The following PHTF2 variants were observed in gnomAD, a reference collection of about 807,000 sequenced individuals.
The protein encoded by PHTF2 is protein PHTF2.
PHTF2 carries 60 observed loss-of-function variants against 101.2 expected under a neutral mutation model. That is an observed-to-expected ratio of 0.59 (90% CI 0.48 to 0.73). The LOEUF (loss-of-function observed/expected upper bound fraction) is 0.73, where lower values mean the gene tolerates loss of function less well. PHTF2 is among the 30% of genes least tolerant of loss of function. The pLI is 0.00. For missense variants in PHTF2, 747 were observed against 908.7 expected (o/e 0.82, Z 2.29); for synonymous variants, 311 against 307.3 (o/e 1.01, Z -0.13).
chr7:77,805,917 G>A (rs1399986431), intron 1 of PHTF2, among the ~76,000 whole-genome samples: 1 of 152,232 alleles, frequency 6.6e-6, no homozygotes, highest in African/African-American at 2.4e-5. Context: ...GCTTACGCCT[G>A]TAATCCCAGC....
At chr7:77,941,676 C>A (rs1805651555) in intron 15 of PHTF2, among the ~76,000 whole-genome samples, 1 of 152,156 alleles carries the variant, frequency 6.6e-6, no homozygotes, top group South Asian at 2.1e-4. Flanking sequence ...CAAAATATAT[C>A]TTGAATCCAT....
intron 2 of PHTF2, among the ~76,000 whole-genome samples, chr7:77,844,088 C>T (rs112217497): frequency 1.6e-3 from 238 of 152,308 alleles, no homozygotes; most frequent in African/African-American, 5.6e-3. Flanking sequence ...GCCTCGACCT[C>T]CTGGGCTCAA....
At chr7:77,882,405 G>A (rs1799493641) in intron 3 of PHTF2, among the ~76,000 whole-genome samples, 1 of 151,824 alleles carries the variant, frequency 6.6e-6, no homozygotes, top group Admixed American at 6.6e-5. Context: ...TACTCAAGTA[G>A]CTTTACTTTT....
intron 12 of PHTF2, among the ~76,000 whole-genome samples, chr7:77,930,003 G>A (rs1230347451): frequency 6.9e-6 from 1 of 145,718 alleles, no homozygotes; most frequent in Non-Finnish European, 1.5e-5. Context: ...ACCCAGGCTG[G>A]AGTACAATGG....
At chr7:77,890,267 C>T (rs957022810) in intron 3 of PHTF2, among the ~76,000 whole-genome samples, 7 of 152,188 alleles carry the variant, frequency 4.6e-5, no homozygotes, top group South Asian at 2.1e-4. Flanking sequence ...CTTAGGCTTT[C>T]TGTACCTTTC....
At chr7:77,857,671 AGT>A (rs1334287915) in intron 3 of PHTF2, among the ~76,000 whole-genome samples, 1 of 152,228 alleles carries the variant, frequency 6.6e-6, no homozygotes, top group African/African-American at 2.4e-5. Context: ...CATATGAGGC[AGT>A]GTATCTTAGT....
intron 1 of PHTF2, among the ~76,000 whole-genome samples, chr7:77,808,595 C>A (rs1390850318): frequency 6.6e-6 from 1 of 152,130 alleles, no homozygotes; most frequent in East Asian, 1.9e-4. Flanking sequence ...TTGCATATGC[C>A]AATCAATATT....
Position 77,889,932 on chromosome 7 carries a change from G to A in PHTF2, c.148-3676G>A, listed in dbSNP as rs116101347. ...AGTATTTCCAAAACAGAAGAAGTCT[G>A]CTGCAAAGGAGAACTGATTCCTGCA... On this transcript the variant is annotated intron_variant, in intron 3 of 19. Transcript: ENST00000416283. 5.2e-3 allele frequency among the ~76,000 whole-genome samples: 788 copies of A among 152,098 alleles called. 4 individuals are homozygous for A. The highest frequency in any genetic ancestry group is 0.018 in the African/African-American group (756 of 41,508).
At chr7:77,883,196 G>T (rs187299805) in intron 3 of PHTF2, among the ~76,000 whole-genome samples, 1 of 152,072 alleles carries the variant, frequency 6.6e-6, no homozygotes, top group Non-Finnish European at 1.5e-5. Context: ...AAAGGATTGA[G>T]AACTTTACTT....
intron 12 of PHTF2, among the ~76,000 whole-genome samples, chr7:77,936,370 A>G (rs1274199683): frequency 6.6e-6 from 1 of 152,162 alleles, no homozygotes; most frequent in African/African-American, 2.4e-5. Flanking sequence ...TGCCAAAACT[A>G]TTGTTTTTAG....
intron 1 of PHTF2, among the ~76,000 whole-genome samples, chr7:77,830,199 A>G (rs1339388253): frequency 1.3e-5 from 2 of 152,246 alleles, no homozygotes; most frequent in Non-Finnish European, 2.9e-5. Flanking sequence ...CAATATAGTA[A>G]GTACACAGCA....
intron 3 of PHTF2, among the ~76,000 whole-genome samples, chr7:77,862,584 A>G (rs1039474775): frequency 6.6e-6 from 1 of 152,216 alleles, no homozygotes; most frequent in African/African-American, 2.4e-5. Flanking sequence ...ATGCTATTTG[A>G]ATAGAGCTGA....
intron 3 of PHTF2, among the ~76,000 whole-genome samples, chr7:77,857,331 A>G (rs1164055394): frequency 2.6e-5 from 4 of 152,138 alleles, no homozygotes; most frequent in African/African-American, 9.7e-5. Flanking sequence ...AAAAGAGACA[A>G]CCACAGGCCA....
At chr7:77,954,313 T>C (rs564561691) in intron 19 of PHTF2, among the ~76,000 whole-genome samples, 21 of 152,108 alleles carry the variant, frequency 1.4e-4, no homozygotes, top group African/African-American at 4.6e-4. Context: ...TTTGTATTTT[T>C]AGTAGAGACA....
chr7:77,816,015 T>A (rs532978444), intron 1 of PHTF2, among the ~76,000 whole-genome samples: 17 of 152,302 alleles, frequency 1.1e-4, no homozygotes, highest in African/African-American at 3.8e-4. Flanking sequence ...GATGCTTGTG[T>A]TTAGTCTGGC....
At chr7:77,813,824 G>A (rs1793633086) in intron 1 of PHTF2, among the ~76,000 whole-genome samples, 1 of 152,136 alleles carries the variant, frequency 6.6e-6, no homozygotes, top group Non-Finnish European at 1.5e-5. Context: ...GTTAGAGGTA[G>A]TGGCTGTTAA....
chr7:77,812,918 A>G (rs1048145991), intron 1 of PHTF2, among the ~76,000 whole-genome samples: 2 of 152,172 alleles, frequency 1.3e-5, no homozygotes, highest in Admixed American at 6.5e-5. Flanking sequence ...TCTATTGGAT[A>G]TTTATAATGC....
At chr7:77,854,815 G>T (rs773309628) in exon 3 of PHTF2, 6 of 758,770 alleles carry the variant, frequency 7.9e-6, no homozygotes, top group Middle Eastern at 2.3e-4. Flanking sequence ...AAGGACCAAG[G>T]GCTCTTCATT....
rs376900483 is a variant in PHTF2 at position 77,825,444 on chromosome 7, A to T, written c.-35-14777A>T. On this transcript the variant is annotated intron_variant, in intron 1 of 19. Coordinates refer to ENST00000416283, the Ensembl canonical transcript of PHTF2. Reference sequence around the variant, plus strand: ...ACCCTACATACCAGCGCTGAGCCTCAGCAGAGGCAACAAGCACTGGCATTT... The same window carrying T: ...ACCCTACATACCAGCGCTGAGCCTCTGCAGAGGCAACAAGCACTGGCATTT... Among the ~76,000 whole-genome samples, 27 of 152,340 alleles carry T rather than the reference A, an allele frequency of 1.8e-4. 1 individual carries two copies. In the East Asian group the frequency reaches 5.2e-3, roughly 29 times the overall value.
Sources: gnomAD v4.1 joint callset for allele counts (sites outside exome capture counted in the v4.1 genomes callset) on GRCh38, gnomAD v4.1.1 for gene constraint, MANE v1.5 for transcripts, NCBI Gene and HGNC (gene_info 2026-07-23, HGNC 2026-07-21) for gene names.